The following TPM3 variants were observed in gnomAD, a reference collection of about 807,000 sequenced individuals.
The protein encoded by TPM3 is tropomyosin 3, also known as tropomyosin alpha-3 chain.
A neutral mutation model predicts 43.1 loss-of-function variants in TPM3; 16 were observed. The ratio of observed to expected loss-of-function variants is 0.37; its 90% confidence interval spans 0.25 to 0.56. TPM3 has a LOEUF of 0.56. TPM3 is among the 20% of genes least tolerant of loss of function. The pLI, the probability that TPM3 is intolerant of heterozygous loss-of-function variation, is 0.77. For synonymous variants in TPM3, 101 were observed against 116.9 expected (o/e 0.86, Z 0.88); for missense variants, 176 against 337.2 (o/e 0.52, Z 3.74).
downstream of TPM3, chr1:154,157,310 T>C (rs1367767099): frequency 2.2e-6 from 1 of 452,640 alleles, no homozygotes; most frequent in Non-Finnish European, 4.1e-6. Flanking sequence ...TTATTTGGAA[T>C]GTTTTACAAA....
chr1:154,157,531 C>T (rs1333852846), downstream of TPM3: 2 of 764,654 alleles, frequency 2.6e-6, no homozygotes, highest in African/African-American at 3.4e-5. Flanking sequence ...AGAAAGCAGC[C>T]TTCCAGTTAA....
chr1:154,178,941 A>G (rs941653671), intron 2 of TPM3, among the ~76,000 whole-genome samples: 2 of 152,216 alleles, frequency 1.3e-5, no homozygotes, highest in African/African-American at 4.8e-5. Flanking sequence ...ACCTTCGGCT[A>G]TCCTCCACTC....
intron 5 of TPM3, chr1:154,172,173 C>T: frequency 6.6e-7 from 1 of 1,506,622 alleles, no homozygotes; most frequent in East Asian, 2.3e-5. Context: ...AAAAGGAACA[C>T]AGCAAGAAAA....
At chr1:154,168,750 T>A (rs1032063674) in intron 9 of TPM3, among the ~76,000 whole-genome samples, 2 of 152,170 alleles carry the variant, frequency 1.3e-5, no homozygotes, top group African/African-American at 4.8e-5. Flanking sequence ...GGTCTTGAAC[T>A]CCTGGCCTCG....
chr1:154,177,597 C>G (rs1021853737), intron 2 of TPM3, among the ~76,000 whole-genome samples: 1 of 152,186 alleles, frequency 6.6e-6, no homozygotes, highest in African/African-American at 2.4e-5. Context: ...GCCCCGCACA[C>G]CACCCAGTTC....
chr1:154,191,482 G>C, intron 1 of TPM3, 171 bp from the exon 2 acceptor site: 1 of 1,339,088 alleles, frequency 7.5e-7, no homozygotes, highest in Non-Finnish European at 1.0e-6. Flanking sequence ...CCGTAGCTTG[G>C]CCTGTGACCC....
chr1:154,167,739 G>A lies in TPM3; in HGVS notation c.*198C>T. On this transcript the variant is annotated 3_prime_UTR_variant, in exon 10 of 10. Transcript: ENST00000651641. ...TTGTCAATGACACAAATGCAGGGTGGCATGAGGTTTCCAGCAGCTTAACAT... is the reference window on the plus strand; with the variant it reads ...TTGTCAATGACACAAATGCAGGGTGACATGAGGTTTCCAGCAGCTTAACAT... 6.9e-7 allele frequency: 1 copy of A among 1,450,358 alleles called. No individual in the cohort carries two copies. The highest frequency in any genetic ancestry group is 2.6e-5 in the East Asian group (1 of 39,076). 89.8% of individuals were successfully genotyped at this position (1,450,358 alleles called of 1,614,324 possible).
At chr1:154,157,216 A>G, downstream of TPM3, 1 of 371,190 alleles carries the variant, frequency 2.7e-6, no homozygotes, top group South Asian at 2.8e-5. Context: ...CCTCTCCTCT[A>G]TGGAGAGGGG....
chr1:154,189,595 A>T (rs1663584687), intron 2 of TPM3, among the ~76,000 whole-genome samples: 1 of 152,108 alleles, frequency 6.6e-6, no homozygotes, highest in Non-Finnish European at 1.5e-5. Flanking sequence ...GGAGTTCAAG[A>T]CAAGCCTGAC....
intron 9 of TPM3, among the ~76,000 whole-genome samples, chr1:154,168,200 GGC>G (rs1661194023): frequency 6.6e-6 from 1 of 152,142 alleles, no homozygotes. Context: ...TTTATCACTT[GGC>G]TTGCTTCTGG....
At chr1:154,183,349 A>T in intron 2 of TPM3, 1 of 1,421,228 alleles carries the variant, frequency 7.0e-7, no homozygotes, top group Non-Finnish European at 9.3e-7. Context: ...GCCCTGGAGT[A>T]CGGCTCCCGG....
At chr1:154,182,342 C>T (rs1350693742) in intron 2 of TPM3, among the ~76,000 whole-genome samples, 1 of 152,190 alleles carries the variant, frequency 6.6e-6, no homozygotes, top group African/African-American at 2.4e-5. Flanking sequence ...CAAGAGCACC[C>T]CGTAAGAGGA....
chr1:154,158,952 T>C, downstream of TPM3: 1 of 780,076 alleles, frequency 1.3e-6, no homozygotes, highest in Non-Finnish European at 2.4e-6. Flanking sequence ...TTAATGGGCA[T>C]CATTGAGCCC....
intron 3 of TPM3, among the ~76,000 whole-genome samples, chr1:154,174,403 TATATAC>T (rs1388105201): frequency 9.8e-6 from 1 of 102,146 alleles, no homozygotes; most frequent in Non-Finnish European, 1.9e-5. Context: ...TATATATATA[TATATAC>T]ACACAAAAAT....
downstream of TPM3, among the ~76,000 whole-genome samples, chr1:154,161,592 C>T (rs1421726631): frequency 2.0e-5 from 3 of 151,714 alleles, no homozygotes; most frequent in Admixed American, 6.6e-5. Flanking sequence ...CCCACCACCA[C>T]GCCCAGGTAA....
intron 2 of TPM3, chr1:154,178,096 G>T: frequency 2.1e-6 from 2 of 974,660 alleles, no homozygotes; most frequent in South Asian, 4.7e-5. Context: ...AGGAGACACT[G>T]CTAGTAAAAT....
intron 5 of TPM3, chr1:154,172,220 G>A (rs1402986223): frequency 1.0e-6 from 1 of 991,742 alleles, no homozygotes; most frequent in African/African-American, 1.6e-5. Context: ...TCAAAAAATG[G>A]GAAGAGAACA....
At chr1:154,188,306 C>G (rs974427718) in intron 2 of TPM3, among the ~76,000 whole-genome samples, 2 of 151,672 alleles carry the variant, frequency 1.3e-5, no homozygotes, top group Admixed American at 1.3e-4. Context: ...TTCTCCTGCC[C>G]TGGCCTCTCA....
rs1382381154 is a variant in TPM3, at chr1:154,171,784, A to G, written c.567-296T>C. 4 of 627,312 alleles carry G rather than the reference A, an allele frequency of 6.4e-6. No individual in the cohort carries two copies. In the African/African-American group the frequency reaches 7.3e-5, roughly 12 times the overall value. The allele number at this position is 627,312 out of a possible 1,614,324, so 38.9% of individuals were successfully genotyped here. A position where few individuals can be genotyped will look rare whatever the true frequency, so the allele number is the denominator to read the frequency against. ...TGCTACCTGGGGTGGAGGTGGGAAC[A>G]AATGCCCAACCCAAACAGTCCCCCA... On this transcript the variant is annotated intron_variant, in intron 5 of 9. Coordinates refer to ENST00000651641, the MANE Select transcript of TPM3 (RefSeq NM_152263.4).
Sources: allele counts gnomAD v4.1 joint callset (sites outside exome capture counted in the v4.1 genomes callset), GRCh38; gene constraint gnomAD v4.1.1; transcripts MANE v1.5; gene names NCBI Gene and HGNC (gene_info 2026-07-23, HGNC 2026-07-21).